FRK: variants seen among roughly 807,000 people sequenced by gnomAD.
FRK encodes the protein tyrosine-protein kinase FRK.
Under a neutral mutation model 56.4 loss-of-function variants are expected in FRK, and 51 were observed. The observed-to-expected ratio is 0.90, with a 90% confidence interval of 0.72 to 1.14. The LOEUF (loss-of-function observed/expected upper bound fraction) is 1.14. FRK is among the 50% of genes most tolerant of loss of function. FRK has a pLI of 0.00. For missense variants in FRK, 570 were observed against 601.4 expected (o/e 0.95, Z 0.55); for synonymous variants, 245 against 217.9 (o/e 1.12, Z -1.10).
the FRK span, among the ~76,000 whole-genome samples, chr6:116,089,069 C>G: frequency 1.3e-5 from 2 of 152,206 alleles, no homozygotes; most frequent in Non-Finnish European, 2.9e-5. Context: ...GTGTAAGAAC[C>G]ATTTCAGTCT....
At chr6:116,050,390 A>G (rs888852697) in intron 1 of FRK, among the ~76,000 whole-genome samples, 2 of 152,160 alleles carry the variant, frequency 1.3e-5, no homozygotes, top group African/African-American at 4.8e-5. Context: ...CTAATCTTCC[A>G]TCTTTCTCAA....
chr6:115,943,988 T>C (rs1336421221), intron 6 of FRK, among the ~76,000 whole-genome samples: 13 of 152,110 alleles, frequency 8.5e-5, no homozygotes, highest in South Asian at 2.1e-4. Flanking sequence ...AACTGAAAAA[T>C]AGATCATTAA....
chr6:116,061,627 T>C (rs899534901), upstream of FRK, among the ~76,000 whole-genome samples: 3 of 152,190 alleles, frequency 2.0e-5, no homozygotes, highest in Non-Finnish European at 4.4e-5. Flanking sequence ...GCAGTGGTTT[T>C]TGCTTGACCT....
At chr6:115,994,752 A>G (rs1349216252) in intron 2 of FRK, among the ~76,000 whole-genome samples, 1 of 152,124 alleles carries the variant, frequency 6.6e-6, no homozygotes, top group African/African-American at 2.4e-5. Context: ...TGGAGCCTCC[A>G]TAATGGGATT....
chr6:115,959,194 G>A (rs562246421), intron 4 of FRK, among the ~76,000 whole-genome samples: 44 of 152,304 alleles, frequency 2.9e-4, no homozygotes, highest in East Asian at 2.5e-3. Flanking sequence ...ATAAATAGCC[G>A]CTCATATTGA....
At chr6:116,093,857 T>C in the FRK span, among the ~76,000 whole-genome samples, 1 of 152,160 alleles carries the variant, frequency 6.6e-6, no homozygotes, top group African/African-American at 2.4e-5. Context: ...AATAAGTTTA[T>C]TACCCAATCA....
intron 1 of FRK, among the ~76,000 whole-genome samples, chr6:116,044,911 A>T (rs1041105166): frequency 1.3e-5 from 2 of 152,254 alleles, no homozygotes; most frequent in Non-Finnish European, 2.9e-5. Context: ...AATGTGCAAA[A>T]TTCACAAGCA....
At chr6:116,050,680 G>A (rs960563184) in intron 1 of FRK, among the ~76,000 whole-genome samples, 3 of 152,148 alleles carry the variant, frequency 2.0e-5, no homozygotes, top group Admixed American at 2.0e-4. Flanking sequence ...TCCTGAAACT[G>A]TAAAATTCTC....
chr6:116,060,420 C>CGAAGT lies in FRK; in HGVS notation c.-110_-109insACTTC. On this transcript the variant is annotated 5_prime_UTR_variant, in exon 1 of 8. An upstream start codon of the reference 5' UTR is lost. Coordinates refer to ENST00000606080, the MANE Select transcript of FRK (RefSeq NM_002031.3). ...AACTTTGAAGTCAGCACCAACTCAC[C>CGAAGT]ATACTTCGGAGAGTATGCAAAGTCC... 3.7e-6 allele frequency: 3 copies of CGAAGT among 812,636 alleles called. No individual in the cohort carries two copies. The highest frequency in any genetic ancestry group is 5.9e-6 in the Non-Finnish European group (3 of 510,090). 50.3% of individuals were successfully genotyped at this position (812,636 alleles called of 1,614,324 possible).
chr6:115,962,065 T>G (rs1773391744), intron 4 of FRK, among the ~76,000 whole-genome samples: 1 of 141,324 alleles, frequency 7.1e-6, no homozygotes, highest in Non-Finnish European at 1.5e-5. Context: ...TAAATATAAA[T>G]GGAGTAAATT....
intron 1 of FRK, among the ~76,000 whole-genome samples, chr6:116,030,421 T>C (rs998600350): frequency 1.5e-4 from 23 of 152,236 alleles, no homozygotes; most frequent in African/African-American, 5.3e-4. Context: ...GATAAGAGTT[T>C]TAGGAGCTCT....
chr6:116,093,595 G>A, the FRK span, among the ~76,000 whole-genome samples: 1 of 152,218 alleles, frequency 6.6e-6, no homozygotes, highest in Non-Finnish European at 1.5e-5. Flanking sequence ...TTCCCTACTG[G>A]TCAGCAAGCC....
chr6:116,080,888 T>C, the FRK span, among the ~76,000 whole-genome samples: 1 of 152,220 alleles, frequency 6.6e-6, no homozygotes, highest in African/African-American at 2.4e-5. Context: ...ATAGATGTTG[T>C]ATTAGTCTGT....
In FRK at chr6:115,942,408, C is replaced by G; in HGVS notation, c.*6G>C. The G allele has an allele frequency of 6.3e-7, 1 of 1,599,354 alleles. No homozygotes were observed. Among genetic ancestry groups the G allele is most frequent in the Non-Finnish European group, 8.6e-7 (1 of 1,167,416 alleles). ...TACTTTATTATTTGATATTCTTCTC[C>G]AGTGTTCATCTTATGAAGTTATTTG... On this transcript the variant is annotated 3_prime_UTR_variant, in exon 8 of 8. Coordinates refer to ENST00000606080, the MANE Select transcript of FRK (RefSeq NM_002031.3).
chr6:116,086,531 C>T, the FRK span, among the ~76,000 whole-genome samples: 1 of 152,006 alleles, frequency 6.6e-6, no homozygotes, highest in African/African-American at 2.4e-5. Context: ...AATGGTCTAC[C>T]AAAGGTCAAA....
At chr6:115,996,601 T>G (rs1436511958) in intron 2 of FRK, among the ~76,000 whole-genome samples, 2 of 152,176 alleles carry the variant, frequency 1.3e-5, no homozygotes, top group Non-Finnish European at 2.9e-5. Flanking sequence ...TAATCCTACA[T>G]GGCCCAGACT....
At chr6:116,081,629 A>T in the FRK span, among the ~76,000 whole-genome samples, 162 of 152,080 alleles carry the variant, frequency 1.1e-3, no homozygotes, top group African/African-American at 3.6e-3. Flanking sequence ...CTGCACTCCA[A>T]CCTAGGCAGC....
At chr6:116,033,428 C>T (rs11153594) in intron 1 of FRK, among the ~76,000 whole-genome samples, 55,603 of 151,910 alleles carry the variant, frequency 0.37, 10,644 homozygotes, top group Middle Eastern at 0.49. Context: ...GGTATTACAT[C>T]TATGAGACCA....
At chr6:116,083,746 A>G in the FRK span, among the ~76,000 whole-genome samples, 1 of 152,174 alleles carries the variant, frequency 6.6e-6, no homozygotes, top group Non-Finnish European at 1.5e-5. Flanking sequence ...ATCATAGTTT[A>G]CTGCAAACTC....
Sources: gnomAD v4.1 joint callset for allele counts (sites outside exome capture counted in the v4.1 genomes callset) on GRCh38, gnomAD v4.1.1 for gene constraint, MANE v1.5 for transcripts, NCBI Gene and HGNC (gene_info 2026-07-23, HGNC 2026-07-21) for gene names.